The following JAK1 variants were observed in gnomAD, a reference collection of about 807,000 sequenced individuals.
JAK1 encodes the protein tyrosine-protein kinase JAK1.
In JAK1, 16 loss-of-function variants were observed where a neutral mutation model predicts 136.6. The ratio of observed to expected loss-of-function variants is 0.12; its 90% CI spans 0.08 to 0.18. JAK1 has a LOEUF of 0.18. JAK1 is among the 10% of genes least tolerant of loss of function. The pLI is 1.00. For missense variants in JAK1, 859 were observed against 1,450.1 expected, an observed-to-expected ratio of 0.59 and a Z score of 6.62; for synonymous variants, 492 against 519.5, an observed-to-expected ratio of 0.95 and a Z score of 0.72.
chr1:65,032,779 C>T (rs1647035329), intron 2 of JAK1, among the ~76,000 whole-genome samples: 1 of 152,146 alleles, frequency 6.6e-6, no homozygotes, highest in East Asian at 1.9e-4. Flanking sequence ...CTGTCTATTT[C>T]TCTATGTTAG....
chr1:65,006,624 T>C (rs968311483), intron 2 of JAK1, among the ~76,000 whole-genome samples: 1 of 152,192 alleles, frequency 6.6e-6, no homozygotes, highest in Non-Finnish European at 1.5e-5. Context: ...ATTACAGGTA[T>C]AAACCACCAC....
chr1:64,856,106 T>C (rs1380708708), intron 10 of JAK1, among the ~76,000 whole-genome samples: 2 of 152,170 alleles, frequency 1.3e-5, no homozygotes, highest in Non-Finnish European at 1.5e-5. Flanking sequence ...TATGAGGTAA[T>C]AATTATGATG....
At chr1:64,949,169 T>G (rs139625532) in intron 1 of JAK1, among the ~76,000 whole-genome samples, 1 of 152,128 alleles carries the variant, frequency 6.6e-6, no homozygotes, top group Non-Finnish European at 1.5e-5. Flanking sequence ...GTGTTCAGAT[T>G]TGCATTATAG....
intron 2 of JAK1, among the ~76,000 whole-genome samples, chr1:65,008,503 C>T (rs1162384934): frequency 6.6e-6 from 1 of 151,984 alleles, no homozygotes; most frequent in East Asian, 1.9e-4. Context: ...AAATCCTGGC[C>T]TCAAGTGATC....
rs564432741 is a variant in JAK1, at chr1:64,941,610, A to G, written c.-78+24723T>C. ...GCTCTATCAGAGAAACTGGGGATGG[A>G]AAGGGAACCTCAGAGCTGTGATGTT... On this transcript the variant is annotated intron_variant, in intron 1 of 24. Coordinates refer to ENST00000342505, the MANE Select transcript of JAK1 (RefSeq NM_002227.4). Among the ~76,000 whole-genome samples the G allele has an allele frequency of 2.6e-5, 4 of 152,330 alleles. No homozygotes were observed. In the South Asian group the frequency reaches 8.3e-4, roughly 32 times the overall value.
chr1:65,053,504 T>C (rs994230387), intron 1 of JAK1, among the ~76,000 whole-genome samples: 1 of 152,070 alleles, frequency 6.6e-6, no homozygotes, highest in African/African-American at 2.4e-5. Flanking sequence ...TGTAAAAACG[T>C]AAGAGGTTTG....
intron 2 of JAK1, among the ~76,000 whole-genome samples, chr1:65,007,270 C>A (rs1557755120): frequency 6.6e-6 from 1 of 152,112 alleles, no homozygotes; most frequent in Admixed American, 6.6e-5. Context: ...GGAGAAATAT[C>A]CAGACTTGGT....
chr1:64,859,272 G>T (rs1360976983), intron 9 of JAK1, among the ~76,000 whole-genome samples: 1 of 152,216 alleles, frequency 6.6e-6, no homozygotes, highest in Non-Finnish European at 1.5e-5. Flanking sequence ...TTGCCTGAAG[G>T]GCTGTCATAT....
At chr1:64,937,500 T>C (rs1454639456) in intron 1 of JAK1, among the ~76,000 whole-genome samples, 1 of 152,216 alleles carries the variant, frequency 6.6e-6, no homozygotes, top group Non-Finnish European at 1.5e-5. Context: ...ATTGAAAGCC[T>C]TTCTAGAAAG....
At chr1:65,066,872 C>G (rs1043059733) in intron 1 of JAK1, 2 of 152,666 alleles carry the variant, frequency 1.3e-5, no homozygotes, top group Non-Finnish European at 2.9e-5. Context: ...CGCCAGCACC[C>G]TGGACGCGGG....
intron 1 of JAK1, among the ~76,000 whole-genome samples, chr1:64,886,886 C>T (rs770176077): frequency 1.3e-5 from 2 of 152,012 alleles, no homozygotes; most frequent in South Asian, 4.2e-4. Flanking sequence ...AAGCTACCAA[C>T]CTTGGTGATT....
chr1:64,843,697 T>C (rs1655048331), intron 17 of JAK1, among the ~76,000 whole-genome samples: 1 of 151,342 alleles, frequency 6.6e-6, no homozygotes, highest in South Asian at 2.1e-4. Context: ...TGATGCCTGA[T>C]ACACAATAGG....
chr1:65,054,273 AGCT>A (rs1260169878), intron 1 of JAK1, among the ~76,000 whole-genome samples: 1 of 152,154 alleles, frequency 6.6e-6, no homozygotes. Context: ...CCTTTAATGA[AGCT>A]GCTAATACTT....
At chr1:64,938,819 G>A (rs2100501664) in intron 1 of JAK1, among the ~76,000 whole-genome samples, 1 of 152,310 alleles carries the variant, frequency 6.6e-6, no homozygotes, top group South Asian at 2.1e-4. Flanking sequence ...GGTAGAGGTA[G>A]ATGGCAGCAC....
intron 4 of JAK1, chr1:64,876,573 C>A (rs966903244): frequency 2.6e-5 from 4 of 152,150 alleles, no homozygotes; most frequent in Admixed American, 2.0e-4. Context: ...TCCATGACTA[C>A]CAGAATCAGT....
At chr1:64,845,388 G>T in intron 15 of JAK1, 125 bp downstream of exon 15, 1 of 1,090,800 alleles carries the variant, frequency 9.2e-7, no homozygotes, top group Non-Finnish European at 1.4e-6. Context: ...CAACCACAGA[G>T]CCCTGGCCCC....
chr1:64,855,353 G>A (rs538239733), intron 11 of JAK1, among the ~76,000 whole-genome samples, 156 bp downstream of exon 11: 2 of 152,318 alleles, frequency 1.3e-5, no homozygotes, highest in African/African-American at 4.8e-5. Flanking sequence ...GATTGGATGT[G>A]AGTTGGGCAC....
chr1:64,886,192 A>G (rs1644849606), intron 2 of JAK1, 67 bp downstream of exon 2: 7 of 1,052,746 alleles, frequency 6.6e-6, no homozygotes, highest in Non-Finnish European at 1.0e-5. Flanking sequence ...AGCCTCAAGA[A>G]CACGGTTTCA....
chr1:64,881,547 T>C (rs1644772773), intron 3 of JAK1, among the ~76,000 whole-genome samples: 1 of 152,198 alleles, frequency 6.6e-6, no homozygotes, highest in African/African-American at 2.4e-5. Context: ...CTTTCTGTAG[T>C]AACAGTGAGA....
Sources: gnomAD v4.1 joint callset for allele counts (sites outside exome capture counted in the v4.1 genomes callset) on GRCh38, gnomAD v4.1.1 for gene constraint, MANE v1.5 for transcripts, NCBI Gene and HGNC (gene_info 2026-07-23, HGNC 2026-07-21) for gene names.